Variants in AGBL4 observed in about 807,000 individuals in gnomAD.
AGBL4 encodes AGBL carboxypeptidase 4, also known as cytosolic carboxypeptidase 6.
AGBL4 carries 58 observed loss-of-function variants against 66.4 expected under a neutral mutation model. The ratio of observed to expected loss-of-function variants is 0.87; its 90% CI spans 0.71 to 1.09. The LOEUF is 1.09. Ranked by LOEUF, AGBL4 falls within the 50% of genes least tolerant of loss-of-function variation. AGBL4 has a pLI of 0.00. For synonymous variants in AGBL4, 234 were observed against 222.9 expected, an observed-to-expected ratio of 1.05 and a Z score of -0.44; for missense variants, 579 against 631.0, an observed-to-expected ratio of 0.92 and a Z score of 0.88.
chr1:48,718,368 A>T (rs187023351), intron 6 of AGBL4, among the ~76,000 whole-genome samples: 25 of 152,352 alleles, frequency 1.6e-4, no homozygotes, highest in South Asian at 8.3e-4. Flanking sequence ...ATTGGAGCCA[A>T]CAAGGCTTTC....
intron 3 of AGBL4, among the ~76,000 whole-genome samples, chr1:49,615,839 A>G (rs889287199): frequency 6.6e-6 from 1 of 152,134 alleles, no homozygotes; most frequent in Admixed American, 6.6e-5. Flanking sequence ...GGATACAAGG[A>G]AATATGGCAC....
intron 3 of AGBL4, among the ~76,000 whole-genome samples, chr1:49,623,934 G>A (rs1645415876): frequency 6.6e-6 from 1 of 152,018 alleles, no homozygotes; most frequent in Non-Finnish European, 1.5e-5. Context: ...TCACACGGTT[G>A]GGGTCCCATT....
chr1:48,759,093 CT>C (rs1484319679), intron 6 of AGBL4: 2 of 1,612,290 alleles, frequency 1.2e-6, no homozygotes, highest in Non-Finnish European at 1.7e-6. Context: ...GCAGCAGCTC[CT>C]CATACAGAGC....
At chr1:49,744,529 A>AG (rs201107722) in intron 2 of AGBL4, among the ~76,000 whole-genome samples, 4,249 of 152,238 alleles carry the variant, frequency 0.028, 167 homozygotes, top group African/African-American at 0.097. Flanking sequence ...AATCAAACCT[A>AG]CAAAAAATAC....
intron 5 of AGBL4, among the ~76,000 whole-genome samples, chr1:48,956,141 C>T (rs549620197): frequency 1.3e-5 from 2 of 152,296 alleles, no homozygotes; most frequent in African/African-American, 4.8e-5. Flanking sequence ...TGGTAACAAA[C>T]TGCCTTGGAT....
chr1:49,693,843 CT>C (rs1166224298), intron 3 of AGBL4, among the ~76,000 whole-genome samples: 6 of 152,198 alleles, frequency 3.9e-5, no homozygotes, highest in African/African-American at 1.4e-4. Context: ...GTGCTCTCAG[CT>C]GCATTAATAC....
rs1179988528 is a variant in AGBL4 at position 49,204,460 on chromosome 1, T to G, written c.377+41310A>C. ...TAGTTAAGAAAAAAAAAAATTGTTT[T>G]GTAAAGATGAAGTCTCTCTATGTTG... On this transcript the variant is annotated intron_variant, in intron 4 of 13. Coordinates refer to ENST00000371839, the MANE Select transcript of AGBL4 (RefSeq NM_032785.4). Among the ~76,000 whole-genome samples the G allele has an allele frequency of 1.3e-5, 2 of 151,892 alleles. 1 individual carries two copies. Among genetic ancestry groups the G allele is most frequent in the African/African-American group, 4.8e-5 (2 of 41,358 alleles).
chr1:49,903,606 A>G (rs1012066807), intron 1 of AGBL4, among the ~76,000 whole-genome samples: 1 of 152,162 alleles, frequency 6.6e-6, no homozygotes, highest in African/African-American at 2.4e-5. Context: ...GGTTAATATT[A>G]CCTATCCCAT....
chr1:48,531,438 G>C (rs757823414), downstream of AGBL4, among the ~76,000 whole-genome samples: 2 of 152,146 alleles, frequency 1.3e-5, no homozygotes, highest in Non-Finnish European at 2.9e-5. Flanking sequence ...CCCCTAGAGA[G>C]GGAGTCCCCT....
intron 1 of AGBL4, among the ~76,000 whole-genome samples, chr1:49,934,759 C>A (rs1653756338): frequency 6.9e-6 from 1 of 144,972 alleles, no homozygotes; most frequent in African/African-American, 2.6e-5. Flanking sequence ...AAAAGAAGAA[C>A]AAACAAAACC....
At chr1:48,915,894 T>A (rs933006372) in intron 5 of AGBL4, among the ~76,000 whole-genome samples, 3 of 152,094 alleles carry the variant, frequency 2.0e-5, no homozygotes, top group African/African-American at 4.8e-5. Flanking sequence ...ATAAAAAAAA[T>A]TAAATTTTTC....
chr1:48,644,523 G>C (rs1001546419), intron 8 of AGBL4, among the ~76,000 whole-genome samples: 12 of 152,160 alleles, frequency 7.9e-5, no homozygotes, highest in Admixed American at 6.6e-5. Context: ...TTGGGGATGG[G>C]TTGGTGACTT....
chr1:48,971,760 G>T (rs1658923528), intron 5 of AGBL4, among the ~76,000 whole-genome samples: 1 of 152,128 alleles, frequency 6.6e-6, no homozygotes, highest in African/African-American at 2.4e-5. Context: ...AATGCCCATG[G>T]AATCAAATGC....
At chr1:49,659,671 G>A (rs559199281) in intron 3 of AGBL4, among the ~76,000 whole-genome samples, 149 of 152,126 alleles carry the variant, frequency 9.8e-4, no homozygotes, top group African/African-American at 3.3e-3. Context: ...TTAGACTCAC[G>A]CACAACAATG....
chr1:48,606,633 A>G (rs1645157755), intron 9 of AGBL4, among the ~76,000 whole-genome samples: 1 of 152,206 alleles, frequency 6.6e-6, no homozygotes, highest in Admixed American at 6.5e-5. Context: ...AAGGGATTCC[A>G]GATCTGACAC....
intron 4 of AGBL4, among the ~76,000 whole-genome samples, chr1:49,144,411 T>C (rs1234468322): frequency 6.7e-6 from 1 of 149,326 alleles, no homozygotes; most frequent in Admixed American, 6.7e-5. Flanking sequence ...GAACACAAAA[T>C]AGACATTTCA....
chr1:48,714,563 C>T (rs918258882), intron 6 of AGBL4, among the ~76,000 whole-genome samples: 1 of 152,234 alleles, frequency 6.6e-6, no homozygotes, highest in African/African-American at 2.4e-5. Flanking sequence ...ATTAAGCCCC[C>T]TCGTTTCTGT....
At chr1:48,822,520 C>T (rs535007741) in intron 6 of AGBL4, among the ~76,000 whole-genome samples, 2 of 152,344 alleles carry the variant, frequency 1.3e-5, no homozygotes, top group African/African-American at 4.8e-5. Flanking sequence ...ATTGCCTTTG[C>T]ATCTTTGTTC....
chr1:49,479,463 C>CACCCTCT (rs1483438475), intron 3 of AGBL4, among the ~76,000 whole-genome samples: 3 of 151,840 alleles, frequency 2.0e-5, no homozygotes, highest in African/African-American at 7.3e-5. Flanking sequence ...TCCCACCCTC[C>CACCCTCT]ACCCTCTGAT....
Sources: allele counts gnomAD v4.1 joint callset (sites outside exome capture counted in the v4.1 genomes callset), GRCh38; gene constraint gnomAD v4.1.1; transcripts MANE v1.5; gene names NCBI Gene and HGNC (gene_info 2026-07-23, HGNC 2026-07-21).